The following SFMBT2 variants were observed in gnomAD, a reference collection of about 807,000 sequenced individuals.
SFMBT2 encodes Scm like with four mbt domains 2, also known as scm-like with four MBT domains protein 2.
SFMBT2 carries 38 observed loss-of-function variants against 110.1 expected under a neutral mutation model. That is an observed-to-expected ratio of 0.35 (90% CI 0.27 to 0.45). The LOEUF is 0.45. Among genes scored for constraint, SFMBT2 ranks in the 20% least tolerant of loss-of-function variants. SFMBT2 has a pLI of 1.00. For missense variants in SFMBT2, 1,011 were observed against 1,094.9 expected, an observed-to-expected ratio of 0.92 and a Z score of 1.08; for synonymous variants, 425 against 425.4, an observed-to-expected ratio of 1.00 and a Z score of 0.01.
At chr10:7,198,620 TC>T (rs1838851839) in intron 14 of SFMBT2, among the ~76,000 whole-genome samples, 1 of 152,250 alleles carries the variant, frequency 6.6e-6, no homozygotes, top group Non-Finnish European at 1.5e-5. Flanking sequence ...GAAGTAGACC[TC>T]ACTGCAGCTT....
intron 2 of SFMBT2, among the ~76,000 whole-genome samples, chr10:7,378,568 A>G: frequency 2.0e-5 from 2 of 101,986 alleles, no homozygotes; most frequent in African/African-American, 3.8e-5. Context: ...GGGTGGATGG[A>G]TGGGTGTGAG....
At chr10:7,343,007 T>C (rs1017150460) in intron 4 of SFMBT2, among the ~76,000 whole-genome samples, 8 of 152,310 alleles carry the variant, frequency 5.3e-5, no homozygotes, top group Admixed American at 1.3e-4. Flanking sequence ...TAGTACCTGA[T>C]AGGTAGTTTT....
In SFMBT2 at chr10:7,408,365, G is replaced by T. The variant is rs1377636397; in HGVS notation, c.-52+2496C>A. ...CTCCAAGCCAGTGCCGCTTGCTCCC[G>T]GCCCCCACCCACTGACAGCACGGCG... On this transcript the variant is annotated intron_variant, in intron 1 of 20. Transcript: ENST00000397167. This position sits in a 1 kb window ranked among gnomAD's most constrained non-coding sequence, Gnocchi z 5.7. 1.3e-5 allele frequency among the ~76,000 whole-genome samples: 2 copies of T among 152,216 alleles called. No individual in the cohort carries two copies. Among genetic ancestry groups the T allele is most frequent in the East Asian group, 3.9e-4 (2 of 5,192 alleles).
chr10:7,191,542 G>A (rs756691944), intron 15 of SFMBT2, among the ~76,000 whole-genome samples: 6 of 152,164 alleles, frequency 3.9e-5, no homozygotes, highest in Non-Finnish European at 7.3e-5. Flanking sequence ...CTCCCCATCC[G>A]GGTCTTTACT....
chr10:7,186,023 T>C (rs925914112), intron 16 of SFMBT2, among the ~76,000 whole-genome samples: 2 of 152,150 alleles, frequency 1.3e-5, no homozygotes, highest in Admixed American at 1.3e-4. Flanking sequence ...CAATACATGT[T>C]GAAGGTAATA....
Position 7,386,150 on chromosome 10 carries a change from T to C in SFMBT2, c.-51-4201A>G, listed in dbSNP as rs556033732. Among the ~76,000 whole-genome samples, 176 of 152,330 alleles carry C rather than the reference T, an allele frequency of 1.2e-3. 1 individual carries two copies. The highest frequency in any genetic ancestry group is 5.0e-3 in the Admixed American group (76 of 15,302). On this transcript the variant is annotated intron_variant, in intron 1 of 20. Transcript: ENST00000397167. ...AGCCTGGCCATCTCAGGATGGCTCA[T>C]GCTCAGGGACGGCTTCCCTGTGCTG...
intron 14 of SFMBT2, chr10:7,197,910 T>G: frequency 1.1e-6 from 1 of 923,884 alleles, no homozygotes. Flanking sequence ...GAGGCCACAC[T>G]CTAGTTCCAA....
At position 7,335,582 on chromosome 10, in the gene SFMBT2, AACAC is replaced by A. The variant is rs3065781; in HGVS notation, c.436+32063_436+32066del. Among the ~76,000 whole-genome samples, 622 of 142,982 alleles carry A rather than the reference AACAC, an allele frequency of 4.4e-3. 3 individuals carry two copies. The highest frequency in any genetic ancestry group is 0.024 in the Middle Eastern group (7 of 290). 93.8% of individuals were successfully genotyped at this position (142,982 alleles called of 152,430 possible). A position where few individuals can be genotyped will look rare whatever the true frequency, so the allele number is the denominator to read the frequency against. On this transcript the variant is annotated intron_variant, in intron 4 of 20. Coordinates refer to ENST00000397167, the MANE Select transcript of SFMBT2 (RefSeq NM_001387889.1). ...AAAGATATTCAGAAACAGAAACAGA[AACAC>A]ACACACACACACACACACACACACA...
chr10:7,374,274 C>CA (rs980645580), intron 2 of SFMBT2, among the ~76,000 whole-genome samples: 10 of 151,532 alleles, frequency 6.6e-5, no homozygotes, highest in African/African-American at 9.7e-5. Flanking sequence ...CAAAACAAAA[C>CA]AAAAAAAAGG....
intron 16 of SFMBT2, among the ~76,000 whole-genome samples, chr10:7,180,154 A>C (rs1045119743): frequency 1.3e-5 from 2 of 149,904 alleles, no homozygotes; most frequent in Non-Finnish European, 3.0e-5. Context: ...ACAGGGTCTC[A>C]CTTAGTCATC....
intron 7 of SFMBT2, among the ~76,000 whole-genome samples, chr10:7,252,210 TC>T (rs1840833576): frequency 6.6e-6 from 1 of 152,142 alleles, no homozygotes; most frequent in African/African-American, 2.4e-5. Flanking sequence ...CAATCATAGC[TC>T]CCCGTGCTGT....
intron 1 of SFMBT2, among the ~76,000 whole-genome samples, chr10:7,403,572 C>G (rs923713502): frequency 1.3e-5 from 2 of 152,034 alleles, no homozygotes; most frequent in Non-Finnish European, 1.5e-5. Context: ...AACCCAGGAG[C>G]CAGAGGTCGC....
chr10:7,186,475 A>ATAT lies in SFMBT2; in HGVS notation c.1808+2148_1808+2149insATA, dbSNP rs1345076690. On this transcript the variant is annotated intron_variant, in intron 16 of 20. Coordinates refer to ENST00000397167, the MANE Select transcript of SFMBT2 (RefSeq NM_001387889.1). Reference sequence around the variant, plus strand: ...ACACACACACATATATATATATATAAAAATATTTTATTTGTTGTAGAGACA... The same window carrying ATAT: ...ACACACACACATATATATATATATAATATAAATATTTTATTTGTTGTAGAGACA... Among the ~76,000 whole-genome samples the ATAT allele has an allele frequency of 7.8e-4, 106 of 136,634 alleles. 1 individual carries two copies. The highest frequency in any genetic ancestry group is 1.1e-3 in the African/African-American group (37 of 33,932). 89.6% of individuals were successfully genotyped at this position (136,634 alleles called of 152,430 possible).
intron 20 of SFMBT2, among the ~76,000 whole-genome samples, chr10:7,169,103 C>A (rs2692768): frequency 0.18 from 26,609 of 152,028 alleles, 2,808 homozygotes; most frequent in African/African-American, 0.29. Context: ...GCTGGGATTA[C>A]AGGCACCCAC....
In SFMBT2 at chr10:7,206,661, C is replaced by T. The variant is rs562866842; in HGVS notation, c.1331-733G>A. ...TCCTATTTCGTAATTACAGTCATGC[C>T]TTATGAGGACCTGGCTTCACAGCCA... On this transcript the variant is annotated intron_variant, in intron 11 of 20. Coordinates refer to ENST00000397167, the MANE Select transcript of SFMBT2 (RefSeq NM_001387889.1). 29 of 856,218 alleles carry T rather than the reference C, an allele frequency of 3.4e-5. No homozygotes were observed. The Admixed American group carries it at 1.7e-3, about 51-fold the overall frequency. 53.0% of individuals were successfully genotyped at this position (856,218 alleles called of 1,614,324 possible).
At chr10:7,316,023 C>T (rs1843001170) in intron 4 of SFMBT2, among the ~76,000 whole-genome samples, 1 of 152,114 alleles carries the variant, frequency 6.6e-6, no homozygotes, top group South Asian at 2.1e-4. Context: ...GTTCCTGGAA[C>T]AATTGGAAGC....
At chr10:7,238,002 C>T (rs939561892) in intron 9 of SFMBT2, among the ~76,000 whole-genome samples, 4 of 152,170 alleles carry the variant, frequency 2.6e-5, no homozygotes, top group African/African-American at 9.6e-5. Context: ...AGTGGGGAGT[C>T]GGGAGATGAC....
intron 2 of SFMBT2, among the ~76,000 whole-genome samples, chr10:7,373,191 C>T (rs111266449): frequency 2.7e-4 from 41 of 152,222 alleles, no homozygotes; most frequent in African/African-American, 9.6e-4. Flanking sequence ...TGACTTCCCT[C>T]GAGAGTGGGT....
chr10:7,277,640 GA>G (rs78624301), intron 6 of SFMBT2, among the ~76,000 whole-genome samples: 2,133 of 143,520 alleles, frequency 0.015, 47 homozygotes, highest in African/African-American at 0.051. Context: ...AAATTAAAAG[GA>G]AAAAAAAAAA....
Sources: allele counts gnomAD v4.1 joint callset (sites outside exome capture counted in the v4.1 genomes callset), GRCh38; gene constraint gnomAD v4.1.1; non-coding constraint Gnocchi (gnomAD v3.1); transcripts MANE v1.5; gene names NCBI Gene and HGNC (gene_info 2026-07-23, HGNC 2026-07-21).